CRISPLD2: variants seen among roughly 807,000 people sequenced by gnomAD.
CRISPLD2 encodes the protein cysteine rich secretory protein LCCL domain containing 2, also known as cysteine-rich secretory protein LCCL domain-containing 2.
CRISPLD2 carries 47 observed loss-of-function variants against 71.1 expected under a neutral mutation model. The observed-to-expected ratio is 0.66, with a 90% CI of 0.52 to 0.84. CRISPLD2 has a LOEUF of 0.84. CRISPLD2 is among the 40% of genes least tolerant of loss of function. CRISPLD2 has a pLI of 0.00. For missense variants in CRISPLD2, 830 were observed against 651.1 expected, an observed-to-expected ratio of 1.27 and a Z score of -2.99; for synonymous variants, 317 against 250.1, an observed-to-expected ratio of 1.27 and a Z score of -2.52.
intron 1 of CRISPLD2, among the ~76,000 whole-genome samples, chr16:84,832,351 G>C (rs1011311119): frequency 2.0e-5 from 3 of 152,246 alleles, no homozygotes; most frequent in Non-Finnish European, 4.4e-5. Flanking sequence ...GGGCCAGTGA[G>C]GGGCAAGGTC....
chr16:84,902,882 C>T (rs2071768156), intron 14 of CRISPLD2, among the ~76,000 whole-genome samples: 1 of 146,372 alleles, frequency 6.8e-6, no homozygotes, highest in Non-Finnish European at 1.5e-5. Context: ...AAGCGATTCT[C>T]CTGCCTCAGC....
intron 2 of CRISPLD2, among the ~76,000 whole-genome samples, chr16:84,844,485 C>CT (rs138028171): frequency 0.07 from 10,409 of 149,194 alleles, 386 homozygotes; most frequent in Middle Eastern, 0.1. Flanking sequence ...TCTTTTCTTT[C>CT]TTTTTTTTTT....
At chr16:84,846,574 C>T (rs1270079313) in intron 3 of CRISPLD2, among the ~76,000 whole-genome samples, 1 of 152,054 alleles carries the variant, frequency 6.6e-6, no homozygotes, top group African/African-American at 2.4e-5. Flanking sequence ...GGTTTCCATT[C>T]CATCTCCTGT....
At chr16:84,888,001 G>A (rs574826494) in intron 13 of CRISPLD2, among the ~76,000 whole-genome samples, 1 of 152,320 alleles carries the variant, frequency 6.6e-6, no homozygotes, top group East Asian at 1.9e-4. Flanking sequence ...GAAGCTGTTA[G>A]GTTCCTATTA....
intron 6 of CRISPLD2, among the ~76,000 whole-genome samples, chr16:84,861,288 A>G (rs981328582): frequency 1.3e-5 from 2 of 152,158 alleles, no homozygotes; most frequent in African/African-American, 4.8e-5. Context: ...CAAAATCTGT[A>G]TTCGTCGGGG....
intron 5 of CRISPLD2, 106 bp downstream of exon 5, chr16:84,850,789 A>T: frequency 1.2e-6 from 1 of 805,554 alleles, no homozygotes; most frequent in South Asian, 1.5e-5. Context: ...TTAATATCTC[A>T]CATAACAAAG....
chr16:84,880,674 A>C, intron 13 of CRISPLD2, 90 bp downstream of exon 13: 1 of 846,502 alleles, frequency 1.2e-6, no homozygotes, highest in Non-Finnish European at 2.0e-6. Context: ...TTGAAACTTT[A>C]TTCCAGTGCC....
intron 6 of CRISPLD2, 97 bp from the exon 7 acceptor site, chr16:84,866,800 C>G (rs1029783103): frequency 1.7e-6 from 2 of 1,197,874 alleles, no homozygotes; most frequent in African/African-American, 3.1e-5. Flanking sequence ...AACCAAACCT[C>G]AAACACGTTT....
rs554411478 is a variant in CRISPLD2, at chr16:84,852,694, C to T, written c.608+2011C>T. Among the ~76,000 whole-genome samples, 42 of 151,950 alleles carry T rather than the reference C, an allele frequency of 2.8e-4. 1 individual carries two copies. The highest frequency in any genetic ancestry group is 2.9e-5 in the Non-Finnish European group (2 of 67,950). On this transcript the variant is annotated intron_variant, in intron 5 of 14. Transcript: ENST00000262424. ...GGGGTCAGATCCCTTGAGGGGGATT[C>T]CCAACCCGACAAGGGGTGGGGTGGG...
Position 84,876,610 on chromosome 16 carries a change from T to C in CRISPLD2, c.1157-828T>C, listed in dbSNP as rs567238332. On this transcript the variant is annotated intron_variant, in intron 11 of 14. Coordinates refer to ENST00000262424, the MANE Select transcript of CRISPLD2 (RefSeq NM_031476.4). ...GAGTTCGAGACAAGCCTGGCCAACATGGTGAAACCCTGTCTCTACTGAAAA... is the reference window on the plus strand; with the variant it reads ...GAGTTCGAGACAAGCCTGGCCAACACGGTGAAACCCTGTCTCTACTGAAAA... 6.6e-5 allele frequency among the ~76,000 whole-genome samples: 10 copies of C among 152,022 alleles called. No homozygotes were observed. In the South Asian group the frequency reaches 2.1e-3, roughly 32 times the overall value.
intron 8 of CRISPLD2, among the ~76,000 whole-genome samples, chr16:84,871,722 T>G (rs2071470744): frequency 6.6e-6 from 1 of 152,038 alleles, no homozygotes; most frequent in Non-Finnish European, 1.5e-5. Flanking sequence ...CGGCTAATTT[T>G]TATATTTTTA....
At chr16:84,841,109 G>C (rs575700051) in intron 2 of CRISPLD2, among the ~76,000 whole-genome samples, 1 of 152,320 alleles carries the variant, frequency 6.6e-6, no homozygotes, top group South Asian at 2.1e-4. Context: ...GCATGATTAT[G>C]AGTTGTGCAG....
chr16:84,825,802 A>G, intron 1 of CRISPLD2, among the ~76,000 whole-genome samples: 1 of 151,944 alleles, frequency 6.6e-6, no homozygotes, highest in Non-Finnish European at 1.5e-5. Flanking sequence ...TACATAAAAT[A>G]AAAGAAGAAA....
chr16:84,848,815 A>G (rs1916988695), intron 3 of CRISPLD2, among the ~76,000 whole-genome samples: 2 of 152,100 alleles, frequency 1.3e-5, no homozygotes, highest in Non-Finnish European at 2.9e-5. Context: ...CATGGGCTGG[A>G]TAGTTTTTCT....
At chr16:84,889,610 A>T (rs1010522899) in intron 14 of CRISPLD2, among the ~76,000 whole-genome samples, 7 of 151,424 alleles carry the variant, frequency 4.6e-5, no homozygotes, top group Non-Finnish European at 5.9e-5. Flanking sequence ...TTTTTTTCCT[A>T]TTACCAATGG....
intron 1 of CRISPLD2, among the ~76,000 whole-genome samples, chr16:84,837,044 C>T (rs1000440213): frequency 6.6e-6 from 1 of 152,210 alleles, no homozygotes; most frequent in South Asian, 2.1e-4. Context: ...TCCTCTTCAT[C>T]TTCGCATCCC....
chr16:84,848,081 C>G (rs781447380), intron 3 of CRISPLD2, among the ~76,000 whole-genome samples: 1 of 152,210 alleles, frequency 6.6e-6, no homozygotes, highest in Non-Finnish European at 1.5e-5. Context: ...ATTTTGCTAA[C>G]TTGCTTTGCA....
At chr16:84,898,918 C>T (rs1441048019) in intron 14 of CRISPLD2, among the ~76,000 whole-genome samples, 1 of 152,140 alleles carries the variant, frequency 6.6e-6, no homozygotes, top group Non-Finnish European at 1.5e-5. Context: ...GCTGTGACTG[C>T]ACCGTTGTAC....
chr16:84,829,582 G>C (rs1372496114), intron 1 of CRISPLD2, among the ~76,000 whole-genome samples: 2 of 152,196 alleles, frequency 1.3e-5, no homozygotes, highest in African/African-American at 4.8e-5. Context: ...GGCTTCTGGG[G>C]TCAGCTGCTC....
Sources: allele counts gnomAD v4.1 joint callset (sites outside exome capture counted in the v4.1 genomes callset), GRCh38; gene constraint gnomAD v4.1.1; transcripts MANE v1.5; gene names NCBI Gene and HGNC (gene_info 2026-07-23, HGNC 2026-07-21).